PLCB1: variants seen among roughly 807,000 people sequenced by gnomAD.
The protein encoded by PLCB1 is 1-phosphatidylinositol 4,5-bisphosphate phosphodiesterase beta-1.
In PLCB1, 46 loss-of-function variants were observed where a neutral mutation model predicts 161.8. The ratio of observed to expected loss-of-function variants is 0.28; its 90% CI spans 0.22 to 0.36. PLCB1 has a LOEUF of 0.36. Ranked by LOEUF, PLCB1 falls within the 10% of genes least tolerant of loss-of-function variation. The probability of loss-of-function intolerance (pLI) is 1.00; values close to 1 mark genes in which losing one functional copy is unlikely to be tolerated. For missense variants in PLCB1, 1,016 were observed against 1,472.5 expected, an observed-to-expected ratio of 0.69 and a Z score of 5.07; for synonymous variants, 517 against 503.7, an observed-to-expected ratio of 1.03 and a Z score of -0.35.
At position 8,883,912 on chromosome 20, in the gene PLCB1, T is replaced by G. The variant is rs1988084316; in HGVS notation, c.*2063T>G. 1 of 152,564 alleles carries G rather than the reference T, an allele frequency of 6.6e-6. No individual in the cohort carries two copies. The allele number at this position is 152,564 out of a possible 1,614,324, so 9.5% of individuals were successfully genotyped here. A position where few individuals can be genotyped will look rare whatever the true frequency, so the allele number is the denominator to read the frequency against. ...GAATGGTCAAAATCGAATGCTGCAT[T>G]TTTATAAACAAAATTACAGACTGTC... is the stretch of plus-strand genomic sequence containing the variant. On this transcript the variant is annotated 3_prime_UTR_variant, in exon 32 of 32. Transcript: ENST00000338037.
chr20:8,601,110 C>A (rs1011503531), intron 3 of PLCB1, among the ~76,000 whole-genome samples: 1 of 152,180 alleles, frequency 6.6e-6, no homozygotes. Context: ...CCTATTCGGC[C>A]ATCTTGGCTC....
At chr20:8,331,415 T>G (rs1258570673) in intron 2 of PLCB1, among the ~76,000 whole-genome samples, 2 of 152,198 alleles carry the variant, frequency 1.3e-5, no homozygotes, top group African/African-American at 4.8e-5. Context: ...ATATTGAGGT[T>G]TCTTTGTTTT....
At chr20:8,855,800 A>G (rs1383746622) in intron 31 of PLCB1, among the ~76,000 whole-genome samples, 2 of 152,172 alleles carry the variant, frequency 1.3e-5, no homozygotes, top group African/African-American at 2.4e-5. Flanking sequence ...TATCTGAATG[A>G]CTTCTGGCCA....
chr20:8,882,039 ACCT>A lies in PLCB1; in HGVS notation c.*193_*195del. 3.4e-6 allele frequency: 2 copies of A among 582,574 alleles called. No individual in the cohort carries two copies. The highest frequency in any genetic ancestry group is 6.1e-6 in the Non-Finnish European group (2 of 328,170). The allele number at this position is 582,574 out of a possible 1,614,324, so 36.1% of individuals were successfully genotyped here. ...CCCAGGCTCCATGTGTCATGTGGAA[ACCT>A]CCACAGGTCTGCTAGTGAAGAATGC... On this transcript the variant is annotated 3_prime_UTR_variant, in exon 32 of 32. Coordinates refer to ENST00000338037, the MANE Select transcript of PLCB1 (RefSeq NM_015192.4).
intron 2 of PLCB1, among the ~76,000 whole-genome samples, chr20:8,261,942 G>A (rs1981719025): frequency 6.6e-6 from 1 of 152,182 alleles, no homozygotes; most frequent in Non-Finnish European, 1.5e-5. Context: ...GTCTCTATGA[G>A]TTAGACATCC....
intron 3 of PLCB1, among the ~76,000 whole-genome samples, chr20:8,523,496 C>CTCGCTCTATATATA: frequency 1.9e-5 from 1 of 51,630 alleles, no homozygotes; most frequent in East Asian, 3.9e-4. Flanking sequence ...CTCTCTCTCT[C>CTCGCTCTATATATA]TATATATATA....
At chr20:8,842,862 G>A (rs949023673) in intron 31 of PLCB1, among the ~76,000 whole-genome samples, 9 of 152,144 alleles carry the variant, frequency 5.9e-5, no homozygotes, top group Non-Finnish European at 8.8e-5. Flanking sequence ...GGCCCAGGGC[G>A]CGGTGCTGGG....
At chr20:8,555,537 T>A (rs374089893) in intron 3 of PLCB1, among the ~76,000 whole-genome samples, 1 of 152,212 alleles carries the variant, frequency 6.6e-6, no homozygotes, top group African/African-American at 2.4e-5. Context: ...CACTTTCTAC[T>A]TCCTGTTTGG....
intron 1 of PLCB1, among the ~76,000 whole-genome samples, chr20:8,136,422 C>T (rs1483331856): frequency 6.6e-6 from 1 of 152,144 alleles, no homozygotes; most frequent in Admixed American, 6.5e-5. Flanking sequence ...ACCAGGAGAT[C>T]GAGACCATCC....
chr20:8,433,003 G>C (rs1980123127), intron 3 of PLCB1, among the ~76,000 whole-genome samples: 1 of 152,172 alleles, frequency 6.6e-6, no homozygotes, highest in Admixed American at 6.5e-5. Flanking sequence ...GTCCTGGCTG[G>C]AGCCAGTTTC....
intron 15 of PLCB1, among the ~76,000 whole-genome samples, chr20:8,723,793 G>A (rs866235294): frequency 1.1e-4 from 17 of 152,140 alleles, no homozygotes; most frequent in Middle Eastern, 6.8e-3. Context: ...GCTCTAGAAC[G>A]CGAGCCATTA....
chr20:8,655,793 T>C (rs1465527596), intron 7 of PLCB1, among the ~76,000 whole-genome samples: 1 of 151,968 alleles, frequency 6.6e-6, no homozygotes, highest in Non-Finnish European at 1.5e-5. Flanking sequence ...TGCAATTGAT[T>C]TTAAATATTT....
rs199634903 is a variant in PLCB1 at position 8,482,092 on chromosome 20, A to ATTTTTTT, written c.246+110666_246+110672dup. 8.6e-3 allele frequency among the ~76,000 whole-genome samples: 906 copies of ATTTTTTT among 104,756 alleles called. 106 individuals carry two copies. Among genetic ancestry groups the ATTTTTTT allele is most frequent in the African/African-American group, 0.032 (747 of 23,570 alleles). 68.7% of individuals were successfully genotyped at this position (104,756 alleles called of 152,430 possible). On this transcript the variant is annotated intron_variant, in intron 3 of 31. Coordinates refer to ENST00000338037, the MANE Select transcript of PLCB1 (RefSeq NM_015192.4). ...TTCAATTTATTTTGTGCTTGAAGGA[A>ATTTTTTT]TTTTTTTTTTTTTTTTTTTTTTTTT...
intron 31 of PLCB1, among the ~76,000 whole-genome samples, chr20:8,831,882 C>A (rs1985996991): frequency 7.2e-6 from 1 of 138,806 alleles, no homozygotes; most frequent in Admixed American, 7.7e-5. Flanking sequence ...TTCTTTCTTT[C>A]TTTCTCTTTC....
chr20:8,238,124 C>T (rs922770911), intron 2 of PLCB1, among the ~76,000 whole-genome samples: 7 of 151,944 alleles, frequency 4.6e-5, no homozygotes, highest in Admixed American at 6.6e-5. Flanking sequence ...ATAAATTGAA[C>T]GAGTAATGAT....
rs533896454 is a variant in PLCB1, at chr20:8,180,675, A to T, written c.177+30304A>T. Among the ~76,000 whole-genome samples the T allele has an allele frequency of 2.0e-3, 306 of 152,248 alleles. 5 individuals carry two copies. Among genetic ancestry groups the T allele is most frequent in the African/African-American group, 7.1e-3 (296 of 41,544 alleles). On this transcript the variant is annotated intron_variant, in intron 2 of 31. Coordinates refer to ENST00000338037, the MANE Select transcript of PLCB1 (RefSeq NM_015192.4). ...AAGTCCAGTTCATTGAAAAAAATGT[A>T]TTTGTAAATTTCCTTTTAAATTCCA...
At chr20:8,398,170 G>A (rs954892663) in intron 3 of PLCB1, among the ~76,000 whole-genome samples, 1 of 151,838 alleles carries the variant, frequency 6.6e-6, no homozygotes, top group East Asian at 1.9e-4. Flanking sequence ...TCTTACCTAT[G>A]CATGAAACTA....
chr20:8,500,985 A>G (rs1009103675), intron 3 of PLCB1, among the ~76,000 whole-genome samples: 17 of 152,182 alleles, frequency 1.1e-4, no homozygotes, highest in Non-Finnish European at 2.1e-4. Context: ...ACTTGTATTC[A>G]TACTTGCATT....
intron 2 of PLCB1, among the ~76,000 whole-genome samples, chr20:8,186,683 G>A (rs2051909941): frequency 6.6e-6 from 1 of 152,134 alleles, no homozygotes; most frequent in Non-Finnish European, 1.5e-5. Flanking sequence ...ATCATCATGG[G>A]ATTAAATGTG....
Sources: allele counts gnomAD v4.1 joint callset (sites outside exome capture counted in the v4.1 genomes callset), GRCh38; gene constraint gnomAD v4.1.1; transcripts MANE v1.5; gene names NCBI Gene and HGNC (gene_info 2026-07-23, HGNC 2026-07-21).